MADD: variants seen among roughly 807,000 people sequenced by gnomAD.
MADD encodes MAP kinase-activating death domain protein.
In MADD, 109 loss-of-function variants were observed where a neutral mutation model predicts 176.7. That is an observed-to-expected ratio of 0.62 (90% CI 0.53 to 0.72). The LOEUF (loss-of-function observed/expected upper bound fraction) is 0.72, where lower values mean the gene tolerates loss of function less well. MADD is among the 30% of genes least tolerant of loss of function. The pLI is 0.00. For missense variants in MADD, 1,914 were observed against 2,045.5 expected (o/e 0.94, Z 1.24); for synonymous variants, 771 against 771.3 (o/e 1.00, Z 0.01).
intron 19 of MADD, among the ~76,000 whole-genome samples, chr11:47,291,207 T>C (rs890519190): frequency 6.6e-6 from 1 of 152,190 alleles, no homozygotes; most frequent in Admixed American, 6.5e-5. Flanking sequence ...CATTTGTGTC[T>C]CTGAAGCCAG....
At chr11:47,307,300 G>A (rs1217868403) in intron 22 of MADD, among the ~76,000 whole-genome samples, 1 of 152,066 alleles carries the variant, frequency 6.6e-6, no homozygotes, top group African/African-American at 2.4e-5. Flanking sequence ...ATGGAGTATC[G>A]GTCTTGCAGG....
At chr11:47,278,407 T>A in intron 6 of MADD, 129 bp downstream of exon 6, 1 of 688,544 alleles carries the variant, frequency 1.5e-6, no homozygotes, top group Non-Finnish European at 2.5e-6. Flanking sequence ...ATTGCGAGAC[T>A]TACTGAAACA....
exon 8 of MADD, chr11:47,281,691 G>A (rs145712827): frequency 6.1e-5 from 99 of 1,613,292 alleles, no homozygotes; most frequent in African/African-American, 1.3e-4. Flanking sequence ...AGTCCACACC[G>A]TCCACTGAAT....
At chr11:47,324,990 G>T (rs929647169) in intron 30 of MADD, 2 of 563,500 alleles carry the variant, frequency 3.5e-6, no homozygotes, top group Non-Finnish European at 6.3e-6. Flanking sequence ...TCTGGTGTGC[G>T]TGCAGCTTGC....
At chr11:47,303,457 C>T (rs943814372) in intron 22 of MADD, among the ~76,000 whole-genome samples, 1 of 152,104 alleles carries the variant, frequency 6.6e-6, no homozygotes, top group African/African-American at 2.4e-5. Context: ...CCAGGATGGT[C>T]TCGATCTCCT....
At chr11:47,304,877 C>T (rs998317943) in intron 22 of MADD, among the ~76,000 whole-genome samples, 5 of 152,102 alleles carry the variant, frequency 3.3e-5, no homozygotes, top group African/African-American at 1.2e-4. Flanking sequence ...CTTCCAAACT[C>T]TCTGGAGTGG....
intron 15 of MADD, among the ~76,000 whole-genome samples, 175 bp downstream of exon 15, chr11:47,286,709 C>T (rs2060875862): frequency 6.6e-6 from 1 of 152,162 alleles, no homozygotes; most frequent in Non-Finnish European, 1.5e-5. Context: ...AGATGGAAAC[C>T]ATCTTTGTAG....
intron 22 of MADD, among the ~76,000 whole-genome samples, chr11:47,296,563 A>G (rs1464277415): frequency 6.6e-6 from 1 of 152,194 alleles, no homozygotes; most frequent in African/African-American, 2.4e-5. Flanking sequence ...ATTTTGTGCT[A>G]AAGAAACAGG....
intron 7 of MADD, among the ~76,000 whole-genome samples, chr11:47,279,697 A>G (rs1428251575): frequency 6.6e-6 from 1 of 151,244 alleles, no homozygotes; most frequent in Non-Finnish European, 1.5e-5. Context: ...CAGTCTTGTT[A>G]GGTGGAAGTT....
At position 47,282,787 on chromosome 11, in the gene MADD, T is replaced by G. The variant is rs116559884; in HGVS notation, c.1706-26T>G. 1.8e-3 allele frequency: 2,859 copies of G among 1,607,580 alleles called. 58 individuals carry two copies. In the African/African-American group the frequency reaches 0.035, roughly 20 times the overall value. On this transcript the variant is annotated intron_variant, in intron 9 of 32. Transcript: ENST00000402192. ...TGCCTTTTTTTCCTTGCTGCTGACT[T>G]TCTGTTCTTTTCCCTCATGGGGTAG...
intron 26 of MADD, among the ~76,000 whole-genome samples, chr11:47,313,782 C>T (rs977591611): frequency 2.6e-5 from 4 of 151,776 alleles, no homozygotes; most frequent in Non-Finnish European, 4.4e-5. Flanking sequence ...GTTTTTGAGA[C>T]GGAGTCTCAC....
At chr11:47,306,510 G>A (rs1012766132) in intron 22 of MADD, among the ~76,000 whole-genome samples, 1 of 152,240 alleles carries the variant, frequency 6.6e-6, no homozygotes, top group African/African-American at 2.4e-5. Context: ...CTAGAGGACT[G>A]TAGGGAAGCC....
chr11:47,308,534 C>T, intron 22 of MADD, 57 bp from the exon 25 acceptor site: 1 of 1,346,734 alleles, frequency 7.4e-7, no homozygotes. Flanking sequence ...TGCGTGGTTT[C>T]CTTTGTCTCT....
intron 8 of MADD, among the ~76,000 whole-genome samples, 169 bp downstream of exon 8, chr11:47,281,922 C>G (rs576615654): frequency 3.6e-5 from 5 of 140,152 alleles, no homozygotes; most frequent in African/African-American, 1.3e-4. Context: ...GCAACTTCCA[C>G]CTCCCGGGTT....
chr11:47,275,028 C>T, exon 3 of MADD: 1 of 1,614,260 alleles, frequency 6.2e-7, no homozygotes, highest in Non-Finnish European at 8.5e-7. Flanking sequence ...CTCTCACGTC[C>T]CTGTGCGTGC....
At chr11:47,299,436 A>G (rs887457200) in intron 22 of MADD, among the ~76,000 whole-genome samples, 2 of 151,870 alleles carry the variant, frequency 1.3e-5, no homozygotes, top group African/African-American at 4.8e-5. Flanking sequence ...ATTTGTGGCT[A>G]TCGTAAATGA....
Position 47,282,432 on chromosome 11 carries a change from G to C in MADD, c.1521G>C (p.Gln507His). The change falls in exon 9 of 33, where the codon CAG (glutamine) becomes CAC (histidine). Residue 507 changes from glutamine to histidine, a missense_variant. Physicochemically the swap from Gln to His is conservative, Grantham distance 24 (BLOSUM62 0). This residue lies in a region of MADD where 1,767 missense variants were observed against 1,836.0 expected (regional missense o/e 0.96). Coordinates refer to ENST00000402192, the Ensembl canonical transcript of MADD. ...CCGCCAACGTGCTGCAGGGATTTCA[G>C]ATGCACACGCGTACCCTGCGCCTCT... The C allele has an allele frequency of 1.2e-6, 2 of 1,614,186 alleles. No individual in the cohort carries two copies. The highest frequency in any genetic ancestry group is 1.7e-6 in the Non-Finnish European group (2 of 1,180,042).
intron 18 of MADD, 132 bp from the exon 20 acceptor site, chr11:47,290,478 T>TAA: frequency 7.9e-7 from 1 of 1,258,734 alleles, no homozygotes; most frequent in Non-Finnish European, 1.1e-6. Context: ...TTACGAAAAA[T>TAA]AAGACATCAG....
At chr11:47,303,728 C>T (rs1462007973) in intron 22 of MADD, among the ~76,000 whole-genome samples, 4 of 151,650 alleles carry the variant, frequency 2.6e-5, no homozygotes, top group Non-Finnish European at 5.9e-5. Context: ...GCCTCAGCTT[C>T]CTGAGTAGCT....
Sources: gnomAD v4.1 joint callset for allele counts (sites outside exome capture counted in the v4.1 genomes callset) on GRCh38, gnomAD v4.1.1 for gene constraint, gnomAD v4.1.1 regional missense constraint, MANE v1.5 for transcripts, NCBI Gene and HGNC (gene_info 2026-07-23, HGNC 2026-07-21) for gene names.